The following PCDH9 variants were observed in gnomAD, a reference collection of about 807,000 sequenced individuals.
PCDH9 encodes protocadherin 9.
PCDH9 carries 24 observed loss-of-function variants against 70.6 expected under a neutral mutation model. The ratio of observed to expected loss-of-function variants is 0.34; its 90% confidence interval spans 0.25 to 0.48. The LOEUF (loss-of-function observed/expected upper bound fraction) is 0.48. Among genes scored for constraint, PCDH9 ranks in the 20% least tolerant of loss-of-function variants. The pLI, the probability that PCDH9 is intolerant of heterozygous loss-of-function variation, is 0.99. For synonymous variants in PCDH9, 562 were observed against 558.5 expected, an observed-to-expected ratio of 1.01 and a Z score of -0.09; for missense variants, 1,281 against 1,503.6, an observed-to-expected ratio of 0.85 and a Z score of 2.45.
At chr13:66,759,057 T>A (rs1051565848) in intron 3 of PCDH9, among the ~76,000 whole-genome samples, 1 of 152,018 alleles carries the variant, frequency 6.6e-6, no homozygotes, top group Non-Finnish European at 1.5e-5. Flanking sequence ...GTTGACCTCC[T>A]CAAAAAGCCA....
At chr13:66,550,443 G>A (rs1961434911) in intron 4 of PCDH9, among the ~76,000 whole-genome samples, 4 of 151,974 alleles carry the variant, frequency 2.6e-5, no homozygotes, top group Admixed American at 2.6e-4. Context: ...TTGGTTATGT[G>A]GACACCCTGA....
intron 3 of PCDH9, among the ~76,000 whole-genome samples, chr13:66,673,524 G>A (rs946856705): frequency 6.6e-6 from 1 of 152,140 alleles, no homozygotes; most frequent in Middle Eastern, 3.2e-3. Context: ...TGAGTGCACA[G>A]AAAGAATGCT....
chr13:66,702,282 A>T (rs758085802), intron 3 of PCDH9, among the ~76,000 whole-genome samples: 32 of 152,318 alleles, frequency 2.1e-4, no homozygotes, highest in Admixed American at 3.3e-4. Flanking sequence ...AATATACTTA[A>T]AAGGAAATTT....
At chr13:66,702,024 G>C (rs2078654216) in intron 3 of PCDH9, among the ~76,000 whole-genome samples, 1 of 152,118 alleles carries the variant, frequency 6.6e-6, no homozygotes, top group African/African-American at 2.4e-5. Context: ...TCGTCGGAAA[G>C]CTGAGCTGCC....
At chr13:66,815,564 A>C (rs552239990) in intron 3 of PCDH9, among the ~76,000 whole-genome samples, 1 of 152,196 alleles carries the variant, frequency 6.6e-6, no homozygotes, top group African/African-American at 2.4e-5. Flanking sequence ...AATGTGGTAC[A>C]TATATACCAT....
intron 4 of PCDH9, among the ~76,000 whole-genome samples, chr13:66,574,576 AT>A (rs1303900259): frequency 1.3e-5 from 2 of 152,094 alleles, no homozygotes; most frequent in Admixed American, 1.3e-4. Context: ...AACTCAGTCT[AT>A]TTTTTGTCTT....
chr13:66,426,690 C>T (rs1287299184), intron 4 of PCDH9, among the ~76,000 whole-genome samples: 3 of 151,416 alleles, frequency 2.0e-5, no homozygotes, highest in Non-Finnish European at 3.0e-5. Context: ...AGGCCAACAC[C>T]TTGCTAAGTA....
chr13:66,570,110 T>C (rs1219520517), intron 4 of PCDH9, among the ~76,000 whole-genome samples: 1 of 152,060 alleles, frequency 6.6e-6, no homozygotes, highest in Non-Finnish European at 1.5e-5. Flanking sequence ...ATTCAACCAC[T>C]TGGACAAATC....
Position 66,642,849 on chromosome 13 carries a change from G to A in PCDH9, c.3139-11438C>T, listed in dbSNP as rs182938980. On this transcript the variant is annotated intron_variant, in intron 3 of 4. Coordinates refer to ENST00000377865, the MANE Select transcript of PCDH9 (RefSeq NM_203487.3). ...CAATATTAAGGGTAGCTACGAATGAGGGCAAATTTGAAGGACAGCACTTAT... is the reference window on the plus strand; with the variant it reads ...CAATATTAAGGGTAGCTACGAATGAAGGCAAATTTGAAGGACAGCACTTAT... Among the ~76,000 whole-genome samples the A allele has an allele frequency of 1.4e-3, 206 of 151,958 alleles. 4 individuals are homozygous for A. Among genetic ancestry groups the A allele is most frequent in the East Asian group, 3.5e-3 (18 of 5,176 alleles).
At chr13:67,073,537 A>C (rs1441801649) in intron 2 of PCDH9, among the ~76,000 whole-genome samples, 2 of 152,042 alleles carry the variant, frequency 1.3e-5, no homozygotes, top group African/African-American at 2.4e-5. Context: ...CACATCCTAA[A>C]CCTTTAAAAT....
intron 3 of PCDH9, among the ~76,000 whole-genome samples, chr13:66,781,415 T>G (rs1299747202): frequency 6.6e-6 from 1 of 152,158 alleles, no homozygotes; most frequent in Non-Finnish European, 1.5e-5. Context: ...GCTGCACAGA[T>G]GGAAGTTCCT....
chr13:66,653,973 T>TAAAAAAAAAAAA (rs59143528), intron 3 of PCDH9, among the ~76,000 whole-genome samples: 4 of 128,444 alleles, frequency 3.1e-5, no homozygotes, highest in Admixed American at 8.2e-5. Context: ...GTCTCAAAAT[T>TAAAAAAAAAAAA]AAAAAAAAAA....
At chr13:66,646,174 C>T (rs750223361) in intron 3 of PCDH9, among the ~76,000 whole-genome samples, 1 of 152,190 alleles carries the variant, frequency 6.6e-6, no homozygotes, top group South Asian at 2.1e-4. Flanking sequence ...CTTATTTTTA[C>T]TCTGTCCCTC....
At chr13:66,736,440 G>T (rs1219639535) in intron 3 of PCDH9, among the ~76,000 whole-genome samples, 1 of 152,164 alleles carries the variant, frequency 6.6e-6, no homozygotes, top group Non-Finnish European at 1.5e-5. Flanking sequence ...CAAGGAGAGA[G>T]ACCTGGAGAA....
chr13:66,871,788 G>T (rs565981252), intron 3 of PCDH9, among the ~76,000 whole-genome samples: 4 of 151,968 alleles, frequency 2.6e-5, no homozygotes, highest in Non-Finnish European at 5.9e-5. Context: ...TTTCCCGGCA[G>T]GCAGACAAAG....
intron 2 of PCDH9, among the ~76,000 whole-genome samples, chr13:67,096,294 C>T (rs781482556): frequency 2.0e-5 from 3 of 152,104 alleles, no homozygotes; most frequent in Non-Finnish European, 2.9e-5. Context: ...TAGCAACACA[C>T]CAAAGCCACG....
At chr13:66,333,562 G>A (rs1027401773) in intron 4 of PCDH9, among the ~76,000 whole-genome samples, 4 of 152,104 alleles carry the variant, frequency 2.6e-5, no homozygotes, top group East Asian at 3.8e-4. Context: ...ACTTAAGAAC[G>A]AAGATCTTTA....
intron 4 of PCDH9, among the ~76,000 whole-genome samples, chr13:66,418,600 G>A (rs1158257996): frequency 6.6e-6 from 1 of 152,050 alleles, no homozygotes; most frequent in Non-Finnish European, 1.5e-5. Context: ...AGTGTTTAGA[G>A]GGAAATTTAT....
At chr13:66,316,763 T>C (rs4884667) in intron 4 of PCDH9, among the ~76,000 whole-genome samples, 113,138 of 151,398 alleles carry the variant, frequency 0.75, 42,476 homozygotes, top group Non-Finnish European at 0.79. Context: ...CACTCCGTTT[T>C]CCAGGCTGGA....
Sources: gnomAD v4.1 joint callset for allele counts (sites outside exome capture counted in the v4.1 genomes callset) on GRCh38, gnomAD v4.1.1 for gene constraint, MANE v1.5 for transcripts, NCBI Gene and HGNC (gene_info 2026-07-23, HGNC 2026-07-21) for gene names.